GRIK2: variants seen among roughly 807,000 people sequenced by gnomAD.
GRIK2 encodes the protein glutamate receptor ionotropic, kainate 2.
A neutral mutation model predicts 100.3 loss-of-function variants in GRIK2; 32 were observed. The ratio of observed to expected loss-of-function variants is 0.32; its 90% CI spans 0.24 to 0.43. The LOEUF (loss-of-function observed/expected upper bound fraction) is 0.43, where lower values mean the gene tolerates loss of function less well. GRIK2 is among the 20% of genes least tolerant of loss of function. The probability of loss-of-function intolerance (pLI) is 1.00; values close to 1 mark genes in which losing one functional copy is unlikely to be tolerated. For synonymous variants in GRIK2, 417 were observed against 389.4 expected, an observed-to-expected ratio of 1.07 and a Z score of -0.83; for missense variants, 843 against 1,114.9, an observed-to-expected ratio of 0.76 and a Z score of 3.47.
chr6:101,958,283 G>GTGTGTGTGTGTGTGTGT (rs71028091), intron 14 of GRIK2, among the ~76,000 whole-genome samples: 74 of 150,830 alleles, frequency 4.9e-4, no homozygotes, highest in Non-Finnish European at 6.7e-4. Flanking sequence ...GTGTGTGTGT[G>GTGTGTGTGTGTGTGTGT]GGTCCATTGC....
chr6:101,896,818 T>C (rs1218810481), intron 12 of GRIK2, among the ~76,000 whole-genome samples: 1 of 151,780 alleles, frequency 6.6e-6, no homozygotes, highest in Non-Finnish European at 1.5e-5. Flanking sequence ...AGAAGTTTCA[T>C]AATGTCTAGC....
At chr6:101,637,522 T>C (rs1357895523) in intron 4 of GRIK2, among the ~76,000 whole-genome samples, 2 of 152,160 alleles carry the variant, frequency 1.3e-5, no homozygotes, top group Non-Finnish European at 2.9e-5. Context: ...TCAAATTTAC[T>C]CCTAGCTTCT....
chr6:101,477,233 A>G (rs1391598025), intron 2 of GRIK2, among the ~76,000 whole-genome samples: 1 of 152,174 alleles, frequency 6.6e-6, no homozygotes, highest in African/African-American at 2.4e-5. Flanking sequence ...TTTGGGTAGT[A>G]TGCCCAGAAC....
In GRIK2 at chr6:101,937,747, C is replaced by T. The variant is rs1230391006; in HGVS notation, c.2085+9115C>T. Among the ~76,000 whole-genome samples, 3 of 151,030 alleles carry T rather than the reference C, an allele frequency of 2.0e-5. No individual in the cohort carries two copies. In the East Asian group the frequency reaches 5.8e-4, roughly 29 times the overall value. ...GAAATTATACTTATTGACATTGTGGCTATGAAATATCTATTGATCGTTTTG... is the reference window on the plus strand; with the variant it reads ...GAAATTATACTTATTGACATTGTGGTTATGAAATATCTATTGATCGTTTTG... On this transcript the variant is annotated intron_variant, in intron 14 of 16. Transcript: ENST00000369134.
chr6:101,940,305 C>T (rs1790879253), intron 14 of GRIK2, among the ~76,000 whole-genome samples: 1 of 152,092 alleles, frequency 6.6e-6, no homozygotes, highest in South Asian at 2.1e-4. Flanking sequence ...TTCAGGACTG[C>T]TGTTTCCCTG....
chr6:101,849,959 T>G (rs1358348706), intron 10 of GRIK2, among the ~76,000 whole-genome samples: 1 of 151,670 alleles, frequency 6.6e-6, no homozygotes, highest in Non-Finnish European at 1.5e-5. Flanking sequence ...TTTACAAGTT[T>G]TTTAGTCATA....
chr6:101,474,855 A>G (rs1440681001), intron 2 of GRIK2, among the ~76,000 whole-genome samples: 1 of 151,464 alleles, frequency 6.6e-6, no homozygotes, highest in Non-Finnish European at 1.5e-5. Flanking sequence ...AGAAGCTCAC[A>G]TAATAATACT....
intron 2 of GRIK2, among the ~76,000 whole-genome samples, chr6:101,526,914 G>T (rs1173031749): frequency 6.6e-6 from 1 of 152,156 alleles, no homozygotes; most frequent in Admixed American, 6.5e-5. Flanking sequence ...CTCTCCGGGG[G>T]TTCAGAGGAG....
chr6:101,956,161 G>T (rs577322731), intron 14 of GRIK2, among the ~76,000 whole-genome samples: 1 of 151,652 alleles, frequency 6.6e-6, no homozygotes, highest in Non-Finnish European at 1.5e-5. Flanking sequence ...AATTACTAAC[G>T]CATTTTAAAT....
chr6:101,966,417 T>A (rs1211073683), intron 14 of GRIK2, among the ~76,000 whole-genome samples: 1 of 152,104 alleles, frequency 6.6e-6, no homozygotes, highest in Non-Finnish European at 1.5e-5. Flanking sequence ...CCCAAGTAGA[T>A]CTTGAGAGTA....
chr6:101,655,943 T>C (rs1022300903), intron 4 of GRIK2, among the ~76,000 whole-genome samples: 2 of 150,724 alleles, frequency 1.3e-5, no homozygotes, highest in Admixed American at 1.3e-4. Context: ...TCTCATCTTA[T>C]TAGGACTGAA....
chr6:101,782,485 A>G (rs1779158120), intron 7 of GRIK2, among the ~76,000 whole-genome samples: 1 of 152,000 alleles, frequency 6.6e-6, no homozygotes, highest in Non-Finnish European at 1.5e-5. Context: ...CACTTATTTC[A>G]CTTACCATAA....
chr6:101,647,783 A>T (rs1781600166), intron 4 of GRIK2, among the ~76,000 whole-genome samples: 1 of 152,082 alleles, frequency 6.6e-6, no homozygotes, highest in African/African-American at 2.4e-5. Context: ...TACCTAAATG[A>T]CTGGAAAACA....
At chr6:101,790,044 G>A (rs956450921) in intron 7 of GRIK2, among the ~76,000 whole-genome samples, 1 of 152,150 alleles carries the variant, frequency 6.6e-6, no homozygotes, top group African/African-American at 2.4e-5. Flanking sequence ...TGTGATTTTT[G>A]TACATTGATT....
intron 14 of GRIK2, among the ~76,000 whole-genome samples, chr6:101,933,949 G>T: frequency 6.6e-6 from 1 of 151,780 alleles, no homozygotes; most frequent in Non-Finnish European, 1.5e-5. Flanking sequence ...AGCAAAAGAG[G>T]ATTTTTCTTG....
Position 101,966,771 on chromosome 6 carries a change from G to T in GRIK2, c.2085+38139G>T, listed in dbSNP as rs571849337. On this transcript the variant is annotated intron_variant, in intron 14 of 16. Transcript: ENST00000369134. ...TAAATCCATCAAAACTGAGCAAACTGGGAAAATATTAACAATTTAATGGTT... is the reference window on the plus strand; with the variant it reads ...TAAATCCATCAAAACTGAGCAAACTTGGAAAATATTAACAATTTAATGGTT... Among the ~76,000 whole-genome samples, 361 of 152,176 alleles carry T rather than the reference G, an allele frequency of 2.4e-3. 1 individual carries two copies. The highest frequency in any genetic ancestry group is 2.8e-3 in the Non-Finnish European group (192 of 67,994).
intron 14 of GRIK2, among the ~76,000 whole-genome samples, chr6:101,981,484 A>G (rs532317075): frequency 1.6e-4 from 25 of 152,044 alleles, no homozygotes; most frequent in African/African-American, 5.8e-4. Flanking sequence ...AGAGTCTACT[A>G]AACACTAATA....
At chr6:102,061,900 T>C (rs1311645875) in intron 16 of GRIK2, among the ~76,000 whole-genome samples, 2 of 150,376 alleles carry the variant, frequency 1.3e-5, no homozygotes, top group African/African-American at 4.8e-5. Context: ...GCATTAGTTA[T>C]TTGGATGTAA....
intron 10 of GRIK2, among the ~76,000 whole-genome samples, chr6:101,819,855 A>G (rs1781849705): frequency 6.6e-6 from 1 of 152,152 alleles, no homozygotes; most frequent in Non-Finnish European, 1.5e-5. Flanking sequence ...CAAGGACAAC[A>G]TCAACAACAA....
Sources: gnomAD v4.1 joint callset for allele counts (sites outside exome capture counted in the v4.1 genomes callset) on GRCh38, gnomAD v4.1.1 for gene constraint, MANE v1.5 for transcripts, NCBI Gene and HGNC (gene_info 2026-07-23, HGNC 2026-07-21) for gene names.